STAT5B: variants seen among roughly 807,000 people sequenced by gnomAD.
STAT5B encodes the protein signal transducer and activator of transcription 5B.
STAT5B carries 21 observed loss-of-function variants against 107.8 expected under a neutral mutation model. That is an observed-to-expected ratio of 0.19 (90% confidence interval 0.14 to 0.28). STAT5B has a LOEUF of 0.28. Ranked by LOEUF, STAT5B falls within the 10% of genes least tolerant of loss-of-function variation. STAT5B has a pLI of 1.00. For synonymous variants in STAT5B, 325 were observed against 401.7 expected (o/e 0.81, Z 2.28); for missense variants, 565 against 1,008.2 (o/e 0.56, Z 5.95).
At chr17:42,240,214 C>T (rs1195729649) in intron 1 of STAT5B, among the ~76,000 whole-genome samples, 4 of 152,124 alleles carry the variant, frequency 2.6e-5, no homozygotes, top group Non-Finnish European at 4.4e-5. Flanking sequence ...ACCTCATAAT[C>T]GCCCCAAAGT....
At chr17:42,229,382 T>C (rs1253959680) in intron 2 of STAT5B, among the ~76,000 whole-genome samples, 1 of 151,400 alleles carries the variant, frequency 6.6e-6, no homozygotes, top group Non-Finnish European at 1.5e-5. Flanking sequence ...ACTCCTGATC[T>C]CAAGTGATCC....
chr17:42,235,641 C>G (rs539678987), intron 1 of STAT5B, among the ~76,000 whole-genome samples: 1 of 152,082 alleles, frequency 6.6e-6, no homozygotes, highest in Non-Finnish European at 1.5e-5. Context: ...CCACGCCCAG[C>G]TAAGTTTTGT....
In STAT5B at chr17:42,218,894, A is replaced by T; in HGVS notation, c.834-16T>A. Reference sequence around the variant, plus strand: ...CTTCTCACACCTGCACGAGAGCCCCAAGGCCAACAGGAGGACAATGGCTCC... The same window carrying T: ...CTTCTCACACCTGCACGAGAGCCCCTAGGCCAACAGGAGGACAATGGCTCC... On this transcript the variant is annotated splice_polypyrimidine_tract_variant and intron_variant, in intron 7 of 18. Coordinates refer to ENST00000293328, the MANE Select transcript of STAT5B (RefSeq NM_012448.4). 1 of 1,613,734 alleles carries T rather than the reference A, an allele frequency of 6.2e-7. No homozygotes were observed. The highest frequency in any genetic ancestry group is 8.5e-7 in the Non-Finnish European group (1 of 1,179,846).
intron 1 of STAT5B, among the ~76,000 whole-genome samples, chr17:42,248,760 A>C (rs1206892683): frequency 6.6e-6 from 1 of 152,252 alleles, no homozygotes; most frequent in African/African-American, 2.4e-5. Flanking sequence ...TTACCGGAAG[A>C]AGCGAAGAGC....
At chr17:42,252,411 C>A (rs2080507863) in intron 1 of STAT5B, among the ~76,000 whole-genome samples, 1 of 152,194 alleles carries the variant, frequency 6.6e-6, no homozygotes, top group Admixed American at 6.5e-5. Flanking sequence ...TATCTGCTGG[C>A]CAACTAATAG....
rs192756266 is a variant in STAT5B at position 42,260,841 on chromosome 17, C to A, written c.-11+15407G>T. On this transcript the variant is annotated intron_variant, in intron 1 of 18. Transcript: ENST00000293328. ...GAGCTCACATTATATTTGTATTGAA[C>A]AGTGCTGGTCTAGAACATAAATATT... Among the ~76,000 whole-genome samples the A allele has an allele frequency of 5.9e-3, 893 of 151,800 alleles. 3 individuals carry two copies. The highest frequency in any genetic ancestry group is 0.01 in the Middle Eastern group (3 of 292).
In STAT5B at chr17:42,223,379, C is replaced by T. The variant is rs1416726388; in HGVS notation, c.550+3G>A. ...TGCACAATGTGCCTCCACCGCGCCT[C>T]ACCTTGGATCCTCAGGCTCTCCTGG... is the stretch of plus-strand genomic sequence containing the variant. On this transcript the variant is annotated splice_donor_region_variant and intron_variant, in intron 5 of 18. Transcript: ENST00000293328. 6 of 1,614,228 alleles carry T rather than the reference C, an allele frequency of 3.7e-6. No homozygotes were observed. The highest frequency in any genetic ancestry group is 4.2e-6 in the Non-Finnish European group (5 of 1,180,038).
chr17:42,251,732 G>A (rs2080501295), intron 1 of STAT5B, among the ~76,000 whole-genome samples: 1 of 152,054 alleles, frequency 6.6e-6, no homozygotes, highest in Non-Finnish European at 1.5e-5. Flanking sequence ...GGGTGCGGTG[G>A]CTCACACCTG....
chr17:42,242,851 G>A (rs1464569480), intron 1 of STAT5B, among the ~76,000 whole-genome samples: 6 of 152,190 alleles, frequency 3.9e-5, no homozygotes, highest in Admixed American at 2.6e-4. Context: ...TCTGAAACAT[G>A]TGCTGTATCC....
chr17:42,232,141 T>C lies in STAT5B; in HGVS notation c.-10-4A>G, dbSNP rs2080322436. 5 of 1,613,698 alleles carry C rather than the reference T, an allele frequency of 3.1e-6. No homozygotes were observed. The East Asian group carries it at 6.7e-5, about 22-fold the overall frequency. On this transcript the variant is annotated splice_polypyrimidine_tract_variant and splice_region_variant and intron_variant, in intron 1 of 18. Coordinates refer to ENST00000293328, the MANE Select transcript of STAT5B (RefSeq NM_012448.4). The stretch of plus-strand genomic sequence containing the variant: ...CCACACAGCCATGGTTTACAATCTG[T>C]TGAACAAACAATCAGTGCTTTGGGC...
chr17:42,244,365 A>C (rs1327157096), intron 1 of STAT5B, among the ~76,000 whole-genome samples: 4 of 151,628 alleles, frequency 2.6e-5, no homozygotes, highest in Admixed American at 6.6e-5. Context: ...TGCTGGGATG[A>C]CAAGTGTGAG....
intron 1 of STAT5B, among the ~76,000 whole-genome samples, chr17:42,247,486 GA>G (rs1215012730): frequency 8.5e-5 from 13 of 152,238 alleles, no homozygotes; most frequent in Non-Finnish European, 1.9e-4. Flanking sequence ...TTTTAAGAGA[GA>G]AACGCTTCAT....
At chr17:42,220,350 A>G (rs1415722803) in intron 5 of STAT5B, among the ~76,000 whole-genome samples, 1 of 152,230 alleles carries the variant, frequency 6.6e-6, no homozygotes, top group Non-Finnish European at 1.5e-5. Context: ...AAGCTGCCTG[A>G]CATGGGTGAG....
intron 1 of STAT5B, among the ~76,000 whole-genome samples, chr17:42,266,188 A>G (rs2080669661): frequency 6.6e-6 from 1 of 151,994 alleles, no homozygotes; most frequent in Admixed American, 6.6e-5. Context: ...CTGGAATGTA[A>G]TGTTAAGTTC....
rs1567651772 is a variant in STAT5B, at chr17:42,200,005, A to C, written c.*1733T>G. On this transcript the variant is annotated 3_prime_UTR_variant, in exon 19 of 19. Transcript: ENST00000293328. ...ATCCTCATGGTTGGAATTTTCATCA[A>C]ATCTTGAGGGGTAGGGAGGGGCTGA... The C allele has an allele frequency of 6.6e-6, 1 of 152,558 alleles. No individual in the cohort carries two copies. The allele number at this position is 152,558 out of a possible 1,614,324, so 9.5% of individuals were successfully genotyped here.
At chr17:42,242,625 G>A (rs539391723) in intron 1 of STAT5B, among the ~76,000 whole-genome samples, 2 of 138,920 alleles carry the variant, frequency 1.4e-5, no homozygotes, top group East Asian at 2.2e-4. Context: ...AGGTGGAACT[G>A]TTCTAGGTTA....
intron 2 of STAT5B, among the ~76,000 whole-genome samples, chr17:42,231,207 T>C (rs1024115010): frequency 5.3e-5 from 8 of 152,180 alleles, no homozygotes; most frequent in African/African-American, 1.7e-4. Context: ...GATCTTGCTA[T>C]GTTGCCTAGG....
Position 42,207,546 on chromosome 17 carries a change from G to A in STAT5B, c.2077+12C>T, listed in dbSNP as rs80293897. 1,050 of 1,611,928 alleles carry A rather than the reference G, an allele frequency of 6.5e-4. 3 individuals are homozygous for A. In the African/African-American group the frequency reaches 0.013, roughly 19 times the overall value. On this transcript the variant is annotated intron_variant, in intron 16 of 18. Transcript: ENST00000293328. Reference sequence around the variant, plus strand: ...ACACAACAAAATCAAATCAGAATGCGAACATTGTTACCAGTAGCAGACTCG... The same window carrying A: ...ACACAACAAAATCAAATCAGAATGCAAACATTGTTACCAGTAGCAGACTCG...
chr17:42,278,190 C>T (rs750234868), upstream of STAT5B, among the ~76,000 whole-genome samples: 4 of 152,158 alleles, frequency 2.6e-5, no homozygotes, highest in East Asian at 1.9e-4. Flanking sequence ...TGTTTCCCAC[C>T]GCGTTATTCA....
Sources: gnomAD v4.1 joint callset for allele counts (sites outside exome capture counted in the v4.1 genomes callset) on GRCh38, gnomAD v4.1.1 for gene constraint, MANE v1.5 for transcripts, NCBI Gene and HGNC (gene_info 2026-07-23, HGNC 2026-07-21) for gene names.